METTL6: variants seen among roughly 807,000 people sequenced by gnomAD.
METTL6 encodes the protein tRNA N(3)-cytidine methyltransferase METTL6.
In METTL6, 22 loss-of-function variants were observed where a neutral mutation model predicts 26.4. The ratio of observed to expected loss-of-function variants is 0.83; its 90% CI spans 0.59 to 1.19. The LOEUF (loss-of-function observed/expected upper bound fraction) is 1.19, where lower values mean the gene tolerates loss of function less well. Among genes scored for constraint, METTL6 ranks in the 50% most tolerant of loss-of-function variants. The pLI is 0.00. For synonymous variants in METTL6, 109 were observed against 116.2 expected (o/e 0.94, Z 0.40); for missense variants, 304 against 324.8 (o/e 0.94, Z 0.49).
At chr3:15,416,899 G>C (rs1233009636) in intron 3 of METTL6, among the ~76,000 whole-genome samples, 1 of 152,214 alleles carries the variant, frequency 6.6e-6, no homozygotes, top group Non-Finnish European at 1.5e-5. Context: ...AATTCCATTT[G>C]TAAATCCAAT....
Position 15,414,153 on chromosome 3 carries a change from GT to G in METTL6, c.540del (p.Lys180AsnfsTer61), listed in dbSNP as rs1460991547. The G allele has an allele frequency of 1.2e-6, 2 of 1,608,064 alleles. No individual in the cohort carries two copies. Among genetic ancestry groups the G allele is most frequent in the Non-Finnish European group, 1.7e-6 (2 of 1,178,282 alleles). Reference sequence around the variant, plus strand: ...TCACGAAACAAGACACTTTTGCCTGGTTTTAATACCTATGAAACAAAAGCAG... The same window carrying G: ...TCACGAAACAAGACACTTTTGCCTGGTTTAATACCTATGAAACAAAAGCAG... ...LVLQNIYKVL[K>X]PGKSVLFRDY... On this transcript the variant is annotated frameshift_variant, in exon 5 of 6. Transcript: ENST00000383790. LOFTEE classifies it high-confidence loss of function.
At chr3:15,417,194 C>T (rs1278768431) in intron 3 of METTL6, among the ~76,000 whole-genome samples, 3 of 152,080 alleles carry the variant, frequency 2.0e-5, no homozygotes, top group Non-Finnish European at 2.9e-5. Flanking sequence ...CGGTGGCTCA[C>T]GCCTGTAATC....
chr3:15,418,136 T>C (rs976765249), intron 3 of METTL6, among the ~76,000 whole-genome samples: 13 of 152,290 alleles, frequency 8.5e-5, no homozygotes, highest in African/African-American at 1.7e-4. Flanking sequence ...CCTTATAATA[T>C]GTCTAGCTTT....
chr3:15,414,046 C>G lies in METTL6; in HGVS notation c.648G>C (p.Gly216=). 1 of 1,614,102 alleles carries G rather than the reference C, an allele frequency of 6.2e-7. No homozygotes were observed. The highest frequency in any genetic ancestry group is 1.1e-5 in the South Asian group (1 of 91,072). ...CATCAGTAAAAAAATATGATCTGGTCCCATCTTGTCTAACATAAAAGTTTT... is the reference window on the plus strand; with the variant it reads ...CATCAGTAAAAAAATATGATCTGGTGCCATCTTGTCTAACATAAAAGTTTT... ...LGENFYVRQD[G]TRSYFFTDDF... Residue 216 remains glycine, a synonymous_variant, in exon 5 of 6, where the codon GGG becomes GGC. Coordinates refer to ENST00000383790, the MANE Select transcript of METTL6 (RefSeq NM_152396.4).
At position 15,415,986 on chromosome 3, in the gene METTL6, G is replaced by C. The variant is rs765691931; in HGVS notation, c.361-44C>G. ...CAAATGAATTTTAATGCAACCACTAGGCTGATACATATAGAAAAATACAAC... is the reference window on the plus strand; with the variant it reads ...CAAATGAATTTTAATGCAACCACTACGCTGATACATATAGAAAAATACAAC... On this transcript the variant is annotated intron_variant, in intron 3 of 5. Coordinates refer to ENST00000383790, the MANE Select transcript of METTL6 (RefSeq NM_152396.4). The C allele has an allele frequency of 3.3e-6, 5 of 1,532,796 alleles. No individual in the cohort carries two copies. The African/African-American group carries it at 4.2e-5, about 13-fold the overall frequency. 94.9% of individuals were successfully genotyped at this position (1,532,796 alleles called of 1,614,324 possible). A position where few individuals can be genotyped will look rare whatever the true frequency, so the allele number is the denominator to read the frequency against.
intron 6 of METTL6, among the ~76,000 whole-genome samples, chr3:15,385,423 A>T (rs2124885490): frequency 6.6e-6 from 1 of 151,894 alleles, no homozygotes; most frequent in East Asian, 1.9e-4. Context: ...CATGGGGAAA[A>T]CCTGTCTCTA....
chr3:15,414,891 C>G, intron 4 of METTL6: 1 of 1,013,342 alleles, frequency 9.9e-7, no homozygotes, highest in Non-Finnish European at 1.3e-6. Flanking sequence ...CACTGCACTC[C>G]AGCCTGAGTG....
rs58888248 is a variant in METTL6 at position 15,391,432 on chromosome 3, G to A, written c.*12-7245C>T. 3.1e-3 allele frequency among the ~76,000 whole-genome samples: 470 copies of A among 151,948 alleles called. 1 individual carries two copies. The highest frequency in any genetic ancestry group is 0.019 in the East Asian group (99 of 5,178). On this transcript the variant is annotated intron_variant, in intron 6 of 6. Transcript: ENST00000443029. ...TTTTTAATCCTCCATGCACATTTTT[G>A]TGCTCCACTCTACTAAAATGTTACA...
chr3:15,399,099 T>C (rs1423630169), intron 6 of METTL6, among the ~76,000 whole-genome samples: 4 of 152,104 alleles, frequency 2.6e-5, no homozygotes, highest in Non-Finnish European at 5.9e-5. Context: ...ACCAGTGCCA[T>C]GACAGTTTAC....
At chr3:15,426,750 A>G in intron 1 of METTL6, 115 bp from the exon 2 acceptor site, 3 of 542,772 alleles carry the variant, frequency 5.5e-6, no homozygotes, top group Non-Finnish European at 9.8e-6. Flanking sequence ...TTCCCGCTAT[A>G]TGAGAGGTCA....
downstream of METTL6, among the ~76,000 whole-genome samples, chr3:15,404,864 C>A (rs1699744424): frequency 6.6e-6 from 1 of 152,090 alleles, no homozygotes; most frequent in Non-Finnish European, 1.5e-5. Context: ...TTTAATAGAA[C>A]ATTTGGTTTC....
At chr3:15,413,677 C>T in intron 5 of METTL6, 4 of 1,217,646 alleles carry the variant, frequency 3.3e-6, no homozygotes, top group Non-Finnish European at 4.2e-6. Context: ...ATTATACTGT[C>T]AAATTTGCTT....
chr3:15,424,533 A>T (rs60513796), intron 3 of METTL6, among the ~76,000 whole-genome samples: 22,415 of 152,210 alleles, frequency 0.15, 3,028 homozygotes, highest in African/African-American at 0.36. Flanking sequence ...TCCCAAACTG[A>T]TGGGATTACA....
intron 6 of METTL6, among the ~76,000 whole-genome samples, chr3:15,385,614 G>A (rs990976469): frequency 1.3e-5 from 2 of 151,042 alleles, no homozygotes; most frequent in African/African-American, 4.9e-5. Flanking sequence ...ACAAACGAAC[G>A]AACAAAAAAA....
chr3:15,392,968 T>G (rs1316622578), intron 6 of METTL6, among the ~76,000 whole-genome samples: 1 of 152,172 alleles, frequency 6.6e-6, no homozygotes, highest in Non-Finnish European at 1.5e-5. Flanking sequence ...TAGGATTGAC[T>G]TGGCAATGCG....
chr3:15,381,581 C>CA (rs1224637956), exon 7 of METTL6: 1 of 152,170 alleles, frequency 6.6e-6, no homozygotes, highest in Non-Finnish European at 1.5e-5. Flanking sequence ...TTGGGGGAGG[C>CA]ACTATTACCA....
intron 6 of METTL6, among the ~76,000 whole-genome samples, chr3:15,403,546 T>C (rs943909881): frequency 2.0e-5 from 3 of 152,202 alleles, no homozygotes; most frequent in African/African-American, 7.2e-5. Context: ...ACAGCGTTTC[T>C]TCCTCTTTTT....
At chr3:15,405,834 C>CA (rs1699768092), downstream of METTL6, among the ~76,000 whole-genome samples, 1 of 152,162 alleles carries the variant, frequency 6.6e-6, no homozygotes, top group Non-Finnish European at 1.5e-5. Context: ...ATCCTGGCAG[C>CA]AGCCCTGCCA....
rs184823285 is a variant in METTL6 at position 15,424,290 on chromosome 3, A to G, written c.360+665T>C. On this transcript the variant is annotated intron_variant, in intron 3 of 5. Coordinates refer to ENST00000383790, the MANE Select transcript of METTL6 (RefSeq NM_152396.4). ...TGTTATTTTATTTGTTTATTTAAAG[A>G]CAGTCTTGCTCTGTCACCTAGGCTG... Among the ~76,000 whole-genome samples the G allele has an allele frequency of 1.2e-4, 18 of 152,308 alleles. No individual in the cohort carries two copies. In the East Asian group the frequency reaches 3.5e-3, roughly 29 times the overall value.
Sources: allele counts gnomAD v4.1 joint callset (sites outside exome capture counted in the v4.1 genomes callset), GRCh38; gene constraint gnomAD v4.1.1; transcripts MANE v1.5; gene names NCBI Gene and HGNC (gene_info 2026-07-23, HGNC 2026-07-21).